Variants in CDH4 observed in about 807,000 individuals in gnomAD.
The protein encoded by CDH4 is cadherin-4.
Under a neutral mutation model 86.0 loss-of-function variants are expected in CDH4, and 33 were observed. The observed-to-expected ratio is 0.38, with a 90% CI of 0.29 to 0.51. CDH4 has a LOEUF of 0.51. CDH4 is among the 20% of genes least tolerant of loss of function. The pLI, the probability that CDH4 is intolerant of heterozygous loss-of-function variation, is 0.86. For synonymous variants in CDH4, 555 were observed against 549.4 expected, an observed-to-expected ratio of 1.01 and a Z score of -0.14; for missense variants, 1,114 against 1,307.4, an observed-to-expected ratio of 0.85 and a Z score of 2.28.
At chr20:61,872,478 CG>C (rs1218841807) in intron 6 of CDH4, among the ~76,000 whole-genome samples, 5 of 151,994 alleles carry the variant, frequency 3.3e-5, no homozygotes, top group African/African-American at 4.8e-5. Flanking sequence ...ACGAGCACCT[CG>C]GGTCTCTCTG....
chr20:61,928,323 G>T lies in CDH4; in HGVS notation c.1905G>T (p.Ala635=). The T allele has an allele frequency of 6.2e-7, 1 of 1,609,874 alleles. No homozygotes were observed. The highest frequency in any genetic ancestry group is 8.5e-7 in the Non-Finnish European group (1 of 1,179,376). The change falls in exon 12 of 16, where the codon GCG becomes GCT. Residue 635 remains alanine (A), a synonymous_variant. Coordinates refer to ENST00000614565, the MANE Select transcript of CDH4 (RefSeq NM_001794.5). The stretch of plus-strand genomic sequence containing the variant: ...ACCTGAACGCCATCAACATCACGGC[G>T]GCCGACGCTGACGTCGACCCCAACA... The part of the protein sequence containing the change: ...KPNLNAINIT[A]ADADVDPNIG...
intron 2 of CDH4, among the ~76,000 whole-genome samples, chr20:61,737,388 G>A (rs957131531): frequency 6.6e-6 from 1 of 152,124 alleles, no homozygotes; most frequent in African/African-American, 2.4e-5. Flanking sequence ...CAGAACAAGA[G>A]ATGGATCCCC....
At chr20:61,558,855 G>A (rs746185579) in intron 2 of CDH4, among the ~76,000 whole-genome samples, 23 of 152,246 alleles carry the variant, frequency 1.5e-4, no homozygotes, top group Non-Finnish European at 2.8e-4. Flanking sequence ...CCAGCATGCC[G>A]TGGTCCCCGT....
At chr20:61,474,804 T>A (rs1211532298) in intron 2 of CDH4, among the ~76,000 whole-genome samples, 1 of 152,236 alleles carries the variant, frequency 6.6e-6, no homozygotes, top group Non-Finnish European at 1.5e-5. Flanking sequence ...CTGTGGCAGA[T>A]GCTAGCAGCA....
Position 61,481,793 on chromosome 20 carries a change from AAG to A in CDH4, c.169+226860_169+226861del, listed in dbSNP as rs2085569882. Among the ~76,000 whole-genome samples, 6 of 152,364 alleles carry A rather than the reference AAG, an allele frequency of 3.9e-5. No homozygotes were observed. In the South Asian group the frequency reaches 1.2e-3, roughly 32 times the overall value. On this transcript the variant is annotated intron_variant, in intron 2 of 15. Coordinates refer to ENST00000614565, the MANE Select transcript of CDH4 (RefSeq NM_001794.5). ...ATTCTGTTTGTGCCGTTATGTATAT[AAG>A]AGAACATCTTTCCAGGAACCAAACT...
At chr20:61,883,892 GGACA>G (rs1035934967) in intron 7 of CDH4, among the ~76,000 whole-genome samples, 5 of 152,260 alleles carry the variant, frequency 3.3e-5, no homozygotes, top group East Asian at 3.9e-4. Context: ...AGAAACAGAC[GGACA>G]GACAGAGAGA....
intron 4 of CDH4, among the ~76,000 whole-genome samples, chr20:61,775,237 T>G (rs2088824722): frequency 6.6e-6 from 1 of 151,872 alleles, no homozygotes; most frequent in African/African-American, 2.4e-5. Flanking sequence ...CCCAGGCCAG[T>G]GGGGCAGGGG....
intron 2 of CDH4, among the ~76,000 whole-genome samples, chr20:61,599,368 C>G (rs746900460): frequency 5.9e-5 from 9 of 152,224 alleles, no homozygotes; most frequent in Non-Finnish European, 8.8e-5. Flanking sequence ...GCCTGAGGGA[C>G]AGGCAAGTGT....
rs962499014 is a variant in CDH4, at chr20:61,392,068, C to A, written c.169+137131C>A. On this transcript the variant is annotated intron_variant, in intron 2 of 15. Coordinates refer to ENST00000614565, the MANE Select transcript of CDH4 (RefSeq NM_001794.5). The surrounding 1 kb of genome is among the most constrained non-coding windows in gnomAD (Gnocchi z 5.7). ...CCCCCGCCTCGCTTGCCGTGGGTTT[C>A]AGCATCGCGGGGGCTGTGGAGAAAG... Among the ~76,000 whole-genome samples, 4 of 152,016 alleles carry A rather than the reference C, an allele frequency of 2.6e-5. No homozygotes were observed. The highest frequency in any genetic ancestry group is 2.0e-4 in the Admixed American group (3 of 15,266).
At chr20:61,616,428 G>A (rs776757193) in intron 2 of CDH4, among the ~76,000 whole-genome samples, 17 of 152,290 alleles carry the variant, frequency 1.1e-4, no homozygotes, top group Middle Eastern at 6.8e-3. Context: ...AGTCCATAGC[G>A]CCTTCTTTCC....
intron 2 of CDH4, among the ~76,000 whole-genome samples, chr20:61,274,730 G>GTTTGGGGGAGTACTGTGTGCTGTTT: frequency 7.6e-6 from 1 of 132,212 alleles, no homozygotes; most frequent in Non-Finnish European, 1.6e-5. Context: ...GTGTGCTGTT[G>GTTTGGGGGAGTACTGTGTGCTGTTT]TTTGGGGGAG....
chr20:61,596,220 C>T (rs900945836), intron 2 of CDH4, among the ~76,000 whole-genome samples: 2 of 152,342 alleles, frequency 1.3e-5, no homozygotes, highest in Non-Finnish European at 1.5e-5. Context: ...TGACTTCCCG[C>T]CCCCTGAAAA....
intron 2 of CDH4, among the ~76,000 whole-genome samples, chr20:61,626,595 G>T (rs558920164): frequency 6.6e-6 from 1 of 152,176 alleles, no homozygotes; most frequent in African/African-American, 2.4e-5. Flanking sequence ...GCCCGGCCTT[G>T]CCAGTCCATT....
intron 2 of CDH4, among the ~76,000 whole-genome samples, chr20:61,375,085 TA>T (rs1184935254): frequency 1.2e-4 from 18 of 152,328 alleles, no homozygotes; most frequent in African/African-American, 4.3e-4. Context: ...CATGTCTCCC[TA>T]AAACCTATAA....
chr20:61,457,682 G>A (rs758903203), intron 2 of CDH4, among the ~76,000 whole-genome samples: 2 of 151,378 alleles, frequency 1.3e-5, no homozygotes, highest in Non-Finnish European at 3.0e-5. Flanking sequence ...GCTGACACTG[G>A]TGGTGGTGTT....
intron 2 of CDH4, among the ~76,000 whole-genome samples, chr20:61,291,293 G>C (rs968032789): frequency 1.3e-5 from 2 of 152,210 alleles, no homozygotes; most frequent in Non-Finnish European, 2.9e-5. Context: ...TTAAGTTAAT[G>C]ATCTGGAGAC....
intron 2 of CDH4, among the ~76,000 whole-genome samples, chr20:61,485,060 C>CGG (rs377096796): frequency 3.0e-4 from 45 of 152,280 alleles, no homozygotes; most frequent in Middle Eastern, 3.4e-3. Flanking sequence ...CCCTTTCCAA[C>CGG]GGCAGCTTCA....
intron 4 of CDH4, among the ~76,000 whole-genome samples, chr20:61,780,628 G>A (rs1234547161): frequency 6.6e-6 from 1 of 152,228 alleles, no homozygotes; most frequent in East Asian, 1.9e-4. Flanking sequence ...TTTAGTAATG[G>A]TGGTGTGGTT....
At chr20:61,845,221 C>G (rs1982385529) in intron 5 of CDH4, among the ~76,000 whole-genome samples, 1 of 152,270 alleles carries the variant, frequency 6.6e-6, no homozygotes. Flanking sequence ...CTCTTGGCCC[C>G]TTTCTCCGAA....
Sources: allele counts gnomAD v4.1 joint callset (sites outside exome capture counted in the v4.1 genomes callset), GRCh38; gene constraint gnomAD v4.1.1; non-coding constraint Gnocchi (gnomAD v3.1); transcripts MANE v1.5; gene names NCBI Gene and HGNC (gene_info 2026-07-23, HGNC 2026-07-21).